FAM227B: variants seen among roughly 807,000 people sequenced by gnomAD.
FAM227B encodes the protein family with sequence similarity 227 member B.
FAM227B carries 88 observed loss-of-function variants against 73.8 expected under a neutral mutation model. That is an observed-to-expected ratio of 1.19 (90% CI 1.00 to 1.42). The LOEUF (loss-of-function observed/expected upper bound fraction) is 1.42. Ranked by LOEUF, FAM227B falls within the 40% of genes most tolerant of loss-of-function variation. FAM227B has a pLI of 0.00. For synonymous variants in FAM227B, 210 were observed against 190.5 expected (o/e 1.10, Z -0.84); for missense variants, 632 against 590.9 (o/e 1.07, Z -0.72).
At chr15:49,470,433 A>G (rs2054640644) in intron 11 of FAM227B, among the ~76,000 whole-genome samples, 2 of 152,198 alleles carry the variant, frequency 1.3e-5, no homozygotes, top group African/African-American at 4.8e-5. Flanking sequence ...TCTAGATCAC[A>G]AAGTGATTTT....
At chr15:49,381,691 A>C (rs939688717) in intron 11 of FAM227B, among the ~76,000 whole-genome samples, 1 of 152,202 alleles carries the variant, frequency 6.6e-6, no homozygotes, top group East Asian at 1.9e-4. Flanking sequence ...TAAGCCAATA[A>C]AAATAAATAA....
At chr15:49,579,746 ATAGTTAGCAACAAT>A (rs1252693558) in intron 5 of FAM227B, among the ~76,000 whole-genome samples, 1 of 152,214 alleles carries the variant, frequency 6.6e-6, no homozygotes, top group Non-Finnish European at 1.5e-5. Flanking sequence ...TAGGGCAACT[ATAGTTAGCAACAAT>A]GTATTGTATA....
intron 5 of FAM227B, among the ~76,000 whole-genome samples, chr15:49,583,665 A>T (rs554391253): frequency 2.6e-5 from 4 of 151,998 alleles, no homozygotes; most frequent in African/African-American, 9.6e-5. Flanking sequence ...AAAAAAAAAA[A>T]AAAAATTATA....
intron 13 of FAM227B, among the ~76,000 whole-genome samples, chr15:49,340,418 C>G (rs1009470772): frequency 2.1e-5 from 3 of 143,732 alleles, no homozygotes; most frequent in Non-Finnish European, 1.5e-5. Flanking sequence ...CCCCCTCCCC[C>G]CCCCGCTTTG....
intron 11 of FAM227B, chr15:49,489,268 G>A (rs1223887058): frequency 2.0e-6 from 2 of 984,674 alleles, no homozygotes; most frequent in Non-Finnish European, 1.2e-6. Flanking sequence ...GATTCTACAG[G>A]GTCTAATAAG....
At position 49,530,106 on chromosome 15, in the gene FAM227B, T is replaced by C. The variant is rs535713770; in HGVS notation, c.874+11574A>G. On this transcript the variant is annotated intron_variant, in intron 10 of 15. Coordinates refer to ENST00000299338, the MANE Select transcript of FAM227B (RefSeq NM_152647.3). ...AGTTTTCCATGGATATATCATATCA[T>C]CTACAAATACAATTTTAATGCTTTT... Among the ~76,000 whole-genome samples, 11 of 151,958 alleles carry C rather than the reference T, an allele frequency of 7.2e-5. No individual in the cohort carries two copies. In the South Asian group the frequency reaches 1.7e-3, roughly 23 times the overall value.
At chr15:49,397,748 A>T (rs1487919685) in intron 11 of FAM227B, among the ~76,000 whole-genome samples, 2 of 152,202 alleles carry the variant, frequency 1.3e-5, no homozygotes, top group African/African-American at 4.8e-5. Context: ...AGCCAAACTA[A>T]GCTTCATAAG....
intron 10 of FAM227B, among the ~76,000 whole-genome samples, chr15:49,513,972 A>T (rs1311900957): frequency 1.3e-5 from 2 of 152,090 alleles, no homozygotes; most frequent in Non-Finnish European, 1.5e-5. Context: ...TTTTGGTACC[A>T]GTACTTTGCT....
chr15:49,396,700 A>G lies in FAM227B; in HGVS notation c.1013-25301T>C, dbSNP rs529686785. On this transcript the variant is annotated intron_variant, in intron 11 of 15. Transcript: ENST00000299338. The stretch of plus-strand genomic sequence containing the variant: ...GTGGGTCCCTGACCCCTGACCCCCG[A>G]GCAGCCTAACTGGGAGGCACCCCCC... 1.7e-4 allele frequency among the ~76,000 whole-genome samples: 25 copies of G among 150,880 alleles called. No homozygotes were observed. In the South Asian group the frequency reaches 4.7e-3, roughly 28 times the overall value.
At chr15:49,496,490 T>C (rs959965381) in intron 11 of FAM227B, among the ~76,000 whole-genome samples, 19 of 152,208 alleles carry the variant, frequency 1.2e-4, no homozygotes, top group Non-Finnish European at 2.1e-4. Context: ...GTAAATAATC[T>C]AACAATACAC....
chr15:49,495,263 G>C (rs117380900), intron 11 of FAM227B, among the ~76,000 whole-genome samples: 1 of 152,294 alleles, frequency 6.6e-6, no homozygotes, highest in Non-Finnish European at 1.5e-5. Flanking sequence ...ATTGCTTGGT[G>C]AGCATGGCAT....
At chr15:49,456,755 G>A (rs2053331866) in intron 11 of FAM227B, among the ~76,000 whole-genome samples, 1 of 152,034 alleles carries the variant, frequency 6.6e-6, no homozygotes, top group Non-Finnish European at 1.5e-5. Flanking sequence ...GTCTCACTTT[G>A]AAAGATGAAC....
At chr15:49,510,367 A>AAAGT (rs1419495005) in intron 10 of FAM227B, among the ~76,000 whole-genome samples, 4 of 152,150 alleles carry the variant, frequency 2.6e-5, no homozygotes, top group African/African-American at 9.7e-5. Flanking sequence ...AATCTGCTAT[A>AAAGT]CTTATTTTCT....
At chr15:49,405,078 C>A (rs923635624) in intron 11 of FAM227B, among the ~76,000 whole-genome samples, 1 of 152,110 alleles carries the variant, frequency 6.6e-6, no homozygotes, top group Admixed American at 6.6e-5. Context: ...GAATATTGGC[C>A]CCCAATCTCT....
At chr15:49,565,338 C>T (rs544466394) in intron 9 of FAM227B, among the ~76,000 whole-genome samples, 3 of 147,884 alleles carry the variant, frequency 2.0e-5, no homozygotes, top group East Asian at 4.0e-4. Context: ...GCCGTGATTG[C>T]GCCACTGAAC....
chr15:49,371,640 TCA>T (rs577943963), intron 11 of FAM227B, among the ~76,000 whole-genome samples: 1 of 150,996 alleles, frequency 6.6e-6, no homozygotes, highest in South Asian at 2.1e-4. Context: ...GAAATAAAAT[TCA>T]CTTATAAATA....
intron 11 of FAM227B, among the ~76,000 whole-genome samples, chr15:49,463,932 T>G (rs67031905): frequency 2.0e-5 from 3 of 151,826 alleles, no homozygotes; most frequent in African/African-American, 7.3e-5. Context: ...TTTGTTTGTT[T>G]TTTGTTTGTT....
Position 49,523,577 on chromosome 15 carries a change from C to T in FAM227B, c.875-15229G>A, listed in dbSNP as rs138929418. On this transcript the variant is annotated intron_variant, in intron 10 of 15. Transcript: ENST00000299338. ...GCAGACTAATTCAGTAAATTGGTAC[C>T]GGTATAGTGGGGTGCTGCTAAAAAG... Among the ~76,000 whole-genome samples, 305 of 152,060 alleles carry T rather than the reference C, an allele frequency of 2.0e-3. 1 individual carries two copies. Among genetic ancestry groups the T allele is most frequent in the African/African-American group, 6.9e-3 (288 of 41,472 alleles).
chr15:49,517,036 A>T (rs1318638238), intron 10 of FAM227B, among the ~76,000 whole-genome samples: 1 of 152,210 alleles, frequency 6.6e-6, no homozygotes, highest in Non-Finnish European at 1.5e-5. Flanking sequence ...CTAAAGGAAC[A>T]CATCTCTGTC....
Sources: allele counts gnomAD v4.1 joint callset (sites outside exome capture counted in the v4.1 genomes callset), GRCh38; gene constraint gnomAD v4.1.1; transcripts MANE v1.5; gene names NCBI Gene and HGNC (gene_info 2026-07-23, HGNC 2026-07-21).